ASIC2: variants seen among roughly 807,000 people sequenced by gnomAD.
ASIC2 encodes acid-sensing ion channel 2.
In ASIC2, 25 loss-of-function variants were observed where a neutral mutation model predicts 57.3. The observed-to-expected ratio is 0.44, with a 90% CI of 0.32 to 0.61. The LOEUF (loss-of-function observed/expected upper bound fraction) is 0.61. Among genes scored for constraint, ASIC2 ranks in the 20% least tolerant of loss-of-function variants. The probability of loss-of-function intolerance (pLI) is 0.06; values close to 1 mark genes in which losing one functional copy is unlikely to be tolerated. For synonymous variants in ASIC2, 319 were observed against 307.5 expected, an observed-to-expected ratio of 1.04 and a Z score of -0.39; for missense variants, 641 against 738.1, an observed-to-expected ratio of 0.87 and a Z score of 1.52.
rs1324660217 is a variant in ASIC2 at position 33,291,938 on chromosome 17, A to G, written c.178T>C (p.Ser60Pro). The G allele has an allele frequency of 6.5e-7, 1 of 1,543,060 alleles. No homozygotes were observed. Among genetic ancestry groups the G allele is most frequent in the Non-Finnish European group, 8.7e-7 (1 of 1,153,808 alleles). ...GPGVARRGRP[S>P]LSRAKLHGLR... ...CCGTGCAGTTTAGCGCGGCTCAGCGATGGCCGCCCCCTGCGGGCGACCCCT... is the reference window on the plus strand; with the variant it reads ...CCGTGCAGTTTAGCGCGGCTCAGCGGTGGCCGCCCCCTGCGGGCGACCCCT... Residue 60 changes from serine to proline, a missense_variant, in exon 1 of 10, where the codon TCG (serine) becomes CCG (proline). Physicochemically the swap from Ser to Pro is moderately conservative, Grantham distance 74. Transcript: ENST00000225823.
chr17:33,683,615 C>T (rs1019222714), intron 1 of ASIC2, among the ~76,000 whole-genome samples: 1 of 152,152 alleles, frequency 6.6e-6, no homozygotes, highest in Non-Finnish European at 1.5e-5. Context: ...AATCATAGCA[C>T]ACTGTAACCT....
At chr17:33,985,200 C>G (rs1409999226) in intron 1 of ASIC2, among the ~76,000 whole-genome samples, 1 of 152,142 alleles carries the variant, frequency 6.6e-6, no homozygotes, top group South Asian at 2.1e-4. Context: ...CCAGGAACAC[C>G]TTGGATAGAC....
At chr17:33,208,139 G>A (rs1323870568) in intron 1 of ASIC2, among the ~76,000 whole-genome samples, 2 of 152,174 alleles carry the variant, frequency 1.3e-5, no homozygotes, top group Admixed American at 1.3e-4. Flanking sequence ...TAAAGGGAAG[G>A]GTGTTGGTTA....
At chr17:33,063,947 C>T (rs1038690775) in intron 3 of ASIC2, among the ~76,000 whole-genome samples, 2 of 152,164 alleles carry the variant, frequency 1.3e-5, no homozygotes, top group South Asian at 2.1e-4. Flanking sequence ...TCCAGTTGAT[C>T]GAATCGGTTA....
chr17:33,441,334 G>A (rs1017488423), intron 1 of ASIC2, among the ~76,000 whole-genome samples: 3 of 152,056 alleles, frequency 2.0e-5, no homozygotes, highest in African/African-American at 7.2e-5. Flanking sequence ...CAATTTATCA[G>A]TTTTTTCTTT....
At chr17:33,033,370 C>T (rs576819334) in intron 3 of ASIC2, among the ~76,000 whole-genome samples, 9 of 152,330 alleles carry the variant, frequency 5.9e-5, no homozygotes, top group South Asian at 4.1e-4. Flanking sequence ...GCTGCAACTG[C>T]GGCACCCACG....
intron 1 of ASIC2, among the ~76,000 whole-genome samples, chr17:34,057,935 G>GCCA (rs77759367): frequency 0.52 from 79,243 of 151,536 alleles, 23,860 homozygotes; most frequent in African/African-American, 0.84. Context: ...TCCTGCAGTA[G>GCCA]TAACAAACCT....
chr17:34,019,795 T>A (rs1907091775), intron 1 of ASIC2, among the ~76,000 whole-genome samples: 1 of 152,170 alleles, frequency 6.6e-6, no homozygotes, highest in Non-Finnish European at 1.5e-5. Context: ...TATGACTGTA[T>A]TTGTCATGAT....
At chr17:33,526,972 T>G (rs1003245126) in intron 1 of ASIC2, among the ~76,000 whole-genome samples, 1 of 152,244 alleles carries the variant, frequency 6.6e-6, no homozygotes, top group Non-Finnish European at 1.5e-5. Context: ...AGACAGATTA[T>G]CTCTATTTTC....
At chr17:33,752,056 C>T (rs1308099685) in intron 1 of ASIC2, among the ~76,000 whole-genome samples, 1 of 152,122 alleles carries the variant, frequency 6.6e-6, no homozygotes, top group Non-Finnish European at 1.5e-5. Flanking sequence ...ACAGAGCAGG[C>T]ACTGGGAAGG....
Position 34,031,336 on chromosome 17 carries a change from G to A in ASIC2, c.555+124642C>T, listed in dbSNP as rs373215206. 9.0e-4 allele frequency among the ~76,000 whole-genome samples: 137 copies of A among 152,276 alleles called. 3 individuals are homozygous for A. In the South Asian group the frequency reaches 0.028, roughly 31 times the overall value. On this transcript the variant is annotated intron_variant, in intron 1 of 9. Coordinates refer to the ASIC2 transcript ENST00000359872. ...AGAAGGAAAACTAACAAACAGGAAG[G>A]ACATCCACACCAAAAACCCATCTGT...
At position 33,514,938 on chromosome 17, in the gene ASIC2, G is replaced by C. The variant is rs536450161; in HGVS notation, c.556-402871C>G. On this transcript the variant is annotated intron_variant, in intron 1 of 9. Coordinates refer to the ASIC2 transcript ENST00000359872. Reference sequence around the variant, plus strand: ...AGCAGGACCTCGGTCCTTTCTCCCAGATGTTCTTTCTCACCTCCTGCCAAA... The same window carrying C: ...AGCAGGACCTCGGTCCTTTCTCCCACATGTTCTTTCTCACCTCCTGCCAAA... 9.6e-4 allele frequency among the ~76,000 whole-genome samples: 146 copies of C among 152,310 alleles called. 1 individual carries two copies. The highest frequency in any genetic ancestry group is 3.4e-3 in the African/African-American group (142 of 41,562).
At chr17:33,885,153 A>G (rs1223496816) in intron 1 of ASIC2, among the ~76,000 whole-genome samples, 1 of 152,204 alleles carries the variant, frequency 6.6e-6, no homozygotes. Context: ...CTGGTAGCAC[A>G]GGCTGGTGTC....
chr17:33,333,360 G>A (rs1405648047), intron 1 of ASIC2, among the ~76,000 whole-genome samples: 1 of 152,188 alleles, frequency 6.6e-6, no homozygotes, highest in Non-Finnish European at 1.5e-5. Flanking sequence ...GATGTCCAGT[G>A]TTCATATGAT....
chr17:33,019,860 G>A lies in ASIC2; in HGVS notation c.1441+1359C>T, dbSNP rs531124854. ...TGTGTGAGAGAGAGAGAGAGAGAAA[G>A]AAAGAGACGCACATAGAGCAGAGAG... On this transcript the variant is annotated intron_variant, in intron 7 of 9. Coordinates refer to ENST00000225823, the MANE Select transcript of ASIC2 (RefSeq NM_183377.2). Among the ~76,000 whole-genome samples, 98 of 152,056 alleles carry A rather than the reference G, an allele frequency of 6.4e-4. 1 individual carries two copies. In the South Asian group the frequency reaches 8.7e-3, roughly 14 times the overall value.
intron 1 of ASIC2, among the ~76,000 whole-genome samples, chr17:34,018,152 A>C (rs1286795870): frequency 6.6e-6 from 1 of 152,200 alleles, no homozygotes; most frequent in African/African-American, 2.4e-5. Context: ...TTTAAGTTGA[A>C]GCCAATGCTC....
At chr17:33,359,981 A>G (rs1908535807) in intron 1 of ASIC2, among the ~76,000 whole-genome samples, 1 of 152,104 alleles carries the variant, frequency 6.6e-6, no homozygotes, top group Non-Finnish European at 1.5e-5. Context: ...TAAGCCAGTT[A>G]TTTGGGGTTT....
chr17:34,147,684 T>C (rs1375756114), intron 1 of ASIC2, among the ~76,000 whole-genome samples: 1 of 152,138 alleles, frequency 6.6e-6, no homozygotes, highest in Admixed American at 6.5e-5. Context: ...GTAGGCTTGG[T>C]CTCAGGTTGT....
intron 1 of ASIC2, among the ~76,000 whole-genome samples, chr17:33,772,738 C>A (rs1032326195): frequency 2.0e-5 from 3 of 152,206 alleles, no homozygotes; most frequent in African/African-American, 7.2e-5. Context: ...CTCTTTATCA[C>A]ACTCAATCCT....
Sources: allele counts gnomAD v4.1 joint callset (sites outside exome capture counted in the v4.1 genomes callset), GRCh38; gene constraint gnomAD v4.1.1; transcripts MANE v1.5; gene names NCBI Gene and HGNC (gene_info 2026-07-23, HGNC 2026-07-21).